TAF1B: variants seen among roughly 807,000 people sequenced by gnomAD.
TAF1B encodes TATA-box binding protein associated factor, RNA polymerase I subunit B.
A neutral mutation model predicts 83.9 loss-of-function variants in TAF1B; 61 were observed. The observed-to-expected ratio is 0.73, with a 90% CI of 0.59 to 0.90. TAF1B has a LOEUF of 0.90. Ranked by LOEUF, TAF1B falls within the 40% of genes least tolerant of loss-of-function variation. The pLI is 0.00. For missense variants in TAF1B, 625 were observed against 677.0 expected (o/e 0.92, Z 0.85); for synonymous variants, 221 against 224.6 (o/e 0.98, Z 0.14).
chr2:9,907,688 T>A (rs1337538081), intron 9 of TAF1B, among the ~76,000 whole-genome samples: 1 of 152,198 alleles, frequency 6.6e-6, no homozygotes, highest in Non-Finnish European at 1.5e-5. Context: ...TTCTGATGGC[T>A]TTCATGATCA....
intron 5 of TAF1B, among the ~76,000 whole-genome samples, chr2:9,860,739 A>G (rs1200365088): frequency 6.6e-6 from 1 of 152,240 alleles, no homozygotes; most frequent in African/African-American, 2.4e-5. Context: ...GGCAGTGATC[A>G]GCTGTGATAA....
chr2:9,862,569 A>G (rs1371060722), intron 5 of TAF1B, among the ~76,000 whole-genome samples: 1 of 152,206 alleles, frequency 6.6e-6, no homozygotes, highest in African/African-American at 2.4e-5. Context: ...GCAGGCCAAC[A>G]TTCAAATTCA....
chr2:9,909,389 A>G (rs1665451343), intron 9 of TAF1B, among the ~76,000 whole-genome samples: 1 of 152,250 alleles, frequency 6.6e-6, no homozygotes, highest in Admixed American at 6.5e-5. Flanking sequence ...GGTATAACCA[A>G]GTTCTCTAAG....
At position 9,882,757 on chromosome 2, in the gene TAF1B, A is replaced by G. The variant is rs758637762; in HGVS notation, c.759A>G (p.Pro253=). The G allele has an allele frequency of 7.4e-6, 12 of 1,611,718 alleles. No individual in the cohort carries two copies. Among genetic ancestry groups the G allele is most frequent in the Non-Finnish European group, 1.0e-5 (12 of 1,179,002 alleles). Residue 253 remains proline (P), a synonymous_variant, in exon 8 of 15, where the codon CCA becomes CCG. Coordinates refer to ENST00000263663, the MANE Select transcript of TAF1B (RefSeq NM_005680.3). ...IPYINAFQHF[P]EQMKLYGRDR... ...ACATAAATGCTTTTCAGCATTTTCCAGAACAGATGAAATTATATGGACGTG... is the reference window on the plus strand; with the variant it reads ...ACATAAATGCTTTTCAGCATTTTCCGGAACAGATGAAATTATATGGACGTG...
chr2:9,884,006 C>T (rs575882787), intron 8 of TAF1B, among the ~76,000 whole-genome samples: 9 of 152,304 alleles, frequency 5.9e-5, no homozygotes, highest in East Asian at 3.9e-4. Context: ...GCTTGGCTCA[C>T]GCTACCGGCC....
At chr2:9,899,533 G>A (rs879368716) in intron 8 of TAF1B, among the ~76,000 whole-genome samples, 15 of 152,076 alleles carry the variant, frequency 9.9e-5, no homozygotes, top group African/African-American at 1.4e-4. Context: ...TGGCTATTGT[G>A]AGCAGTGCCA....
chr2:9,893,168 A>T (rs1368959867), intron 8 of TAF1B, among the ~76,000 whole-genome samples: 1 of 152,204 alleles, frequency 6.6e-6, no homozygotes, highest in Non-Finnish European at 1.5e-5. Context: ...ATGCCCATAT[A>T]TCCTGTATCC....
intron 9 of TAF1B, 34 bp downstream of exon 9, chr2:9,905,040 A>G: frequency 6.4e-7 from 1 of 1,569,238 alleles, no homozygotes; most frequent in Non-Finnish European, 8.7e-7. Context: ...GGGACACTTT[A>G]ACTAGTAGAG....
chr2:9,869,760 C>T (rs1664107316), intron 6 of TAF1B, among the ~76,000 whole-genome samples: 2 of 151,846 alleles, frequency 1.3e-5, no homozygotes, highest in African/African-American at 4.8e-5. Flanking sequence ...CCTGTAGTCC[C>T]AGCTTCTTGG....
intron 8 of TAF1B, among the ~76,000 whole-genome samples, chr2:9,892,578 T>C (rs445742): frequency 0.51 from 77,063 of 151,998 alleles, 22,893 homozygotes; most frequent in Non-Finnish European, 0.68. Flanking sequence ...ATGGGCCCTC[T>C]AGGTTCACCC....
At chr2:9,886,117 T>C (rs979910349) in intron 8 of TAF1B, among the ~76,000 whole-genome samples, 3 of 137,406 alleles carry the variant, frequency 2.2e-5, no homozygotes, top group East Asian at 2.0e-4. Flanking sequence ...TGCAGACATA[T>C]TGACGTATTC....
At chr2:9,859,685 C>T (rs866512619) in intron 5 of TAF1B, among the ~76,000 whole-genome samples, 4 of 152,156 alleles carry the variant, frequency 2.6e-5, no homozygotes, top group East Asian at 1.9e-4. Flanking sequence ...CGCACCTGGC[C>T]GCTAACAGCA....
In TAF1B at chr2:9,933,872, T is replaced by G; in HGVS notation, c.1655T>G (p.Ile552Arg). The change falls in exon 15 of 15, where the codon ATA (isoleucine) becomes AGA (arginine). Residue 552 changes from isoleucine to arginine, a missense_variant. Physicochemically the swap from Ile to Arg is moderately conservative, Grantham distance 97 (BLOSUM62 -3). Transcript: ENST00000263663. The part of the protein sequence containing the change: ...ILNLFSFLLR[I>R]KTSLLHEEVS... ...AATCTCTTCTCCTTCCTGCTCAGAA[T>G]AAAGACTTCCCTTCTCCATGAAGAA... 5 of 1,613,870 alleles carry G rather than the reference T, an allele frequency of 3.1e-6. No individual in the cohort carries two copies. The highest frequency in any genetic ancestry group is 4.2e-6 in the Non-Finnish European group (5 of 1,179,800).
chr2:9,907,193 T>TG (rs1456896165), intron 9 of TAF1B, among the ~76,000 whole-genome samples: 4 of 150,474 alleles, frequency 2.7e-5, no homozygotes. Context: ...TGGCCTGTTT[T>TG]TTTTTTTTTT....
intron 5 of TAF1B, among the ~76,000 whole-genome samples, chr2:9,860,076 A>G (rs1444191561): frequency 6.6e-6 from 1 of 152,124 alleles, no homozygotes; most frequent in African/African-American, 2.4e-5. Flanking sequence ...CACTTTTAAA[A>G]CAGTCAGATC....
At chr2:9,871,036 T>C (rs958731135) in intron 6 of TAF1B, among the ~76,000 whole-genome samples, 3 of 152,126 alleles carry the variant, frequency 2.0e-5, no homozygotes, top group Non-Finnish European at 4.4e-5. Context: ...TAGAATGATA[T>C]CTCTAGACCT....
chr2:9,887,747 G>C (rs1664724755), intron 8 of TAF1B, among the ~76,000 whole-genome samples: 1 of 151,926 alleles, frequency 6.6e-6, no homozygotes, highest in Admixed American at 6.6e-5. Context: ...CAGTATAGTT[G>C]GGTTTGAATC....
chr2:9,865,331 C>G (rs1473447099), intron 5 of TAF1B, among the ~76,000 whole-genome samples: 1 of 152,074 alleles, frequency 6.6e-6, no homozygotes, highest in Non-Finnish European at 1.5e-5. Context: ...GAGTGAACTC[C>G]CATTCACAGT....
chr2:9,901,887 A>G (rs1665187065), intron 8 of TAF1B, among the ~76,000 whole-genome samples: 1 of 152,174 alleles, frequency 6.6e-6, no homozygotes, highest in Non-Finnish European at 1.5e-5. Context: ...CTGTATCCCA[A>G]CATTAAAAAA....
Sources: allele counts gnomAD v4.1 joint callset (sites outside exome capture counted in the v4.1 genomes callset), GRCh38; gene constraint gnomAD v4.1.1; transcripts MANE v1.5; gene names NCBI Gene and HGNC (gene_info 2026-07-23, HGNC 2026-07-21).